SIPA1L1: variants seen among roughly 807,000 people sequenced by gnomAD.
SIPA1L1 encodes the protein signal-induced proliferation-associated 1-like protein 1.
A neutral mutation model predicts 162.7 loss-of-function variants in SIPA1L1; 26 were observed. The ratio of observed to expected loss-of-function variants is 0.16; its 90% CI spans 0.12 to 0.22. SIPA1L1 has a LOEUF of 0.22. Among genes scored for constraint, SIPA1L1 ranks in the 10% least tolerant of loss-of-function variants. The pLI is 1.00. For missense variants in SIPA1L1, 1,874 were observed against 2,241.0 expected, an observed-to-expected ratio of 0.84 and a Z score of 3.31; for synonymous variants, 829 against 837.4, an observed-to-expected ratio of 0.99 and a Z score of 0.17.
At chr14:71,603,374 T>C (rs1465358083) in intron 5 of SIPA1L1, among the ~76,000 whole-genome samples, 3 of 152,200 alleles carry the variant, frequency 2.0e-5, no homozygotes, top group Non-Finnish European at 2.9e-5. Context: ...GGGACATATT[T>C]CTGTCACTTT....
chr14:71,500,108 G>A (rs1028817886), intron 2 of SIPA1L1, among the ~76,000 whole-genome samples: 4 of 152,072 alleles, frequency 2.6e-5, no homozygotes, highest in Non-Finnish European at 5.9e-5. Flanking sequence ...GTGTCATTGA[G>A]ATTAACTAGA....
At chr14:71,417,498 A>AAAAAAAAAAAAAAAT (rs1157625899) in intron 2 of SIPA1L1, among the ~76,000 whole-genome samples, 1 of 146,492 alleles carries the variant, frequency 6.8e-6, no homozygotes, top group Non-Finnish European at 1.5e-5. Context: ...AAAAAAAAAA[A>AAAAAAAAAAAAAAAT]AAAAAGAAAA....
Position 71,672,573 on chromosome 14 carries a change from A to G in SIPA1L1, c.3055A>G (p.Thr1019Ala). 1.9e-6 allele frequency: 3 copies of G among 1,614,226 alleles called. No homozygotes were observed. The highest frequency in any genetic ancestry group is 2.5e-6 in the Non-Finnish European group (3 of 1,180,040). ...QMIDLLRTSV[T>A]VKVVIIPPHD... is the part of the protein sequence containing the mutation. ...GATCGACCTCCTGAGAACATCTGTC[A>G]CGGTGAAGGTTGTCATCATTCCCCC... is the stretch of plus-strand genomic sequence containing the variant. Residue 1019 changes from threonine (T) to alanine (A), a missense_variant, in exon 12 of 24, where the codon ACG (threonine) becomes GCG (alanine). This residue lies in a region of SIPA1L1 where 936 missense variants were observed against 1,051.9 expected (regional missense o/e 0.89). Transcript: ENST00000381232.
At chr14:71,522,829 G>T (rs1376863050) in intron 3 of SIPA1L1, among the ~76,000 whole-genome samples, 1 of 152,016 alleles carries the variant, frequency 6.6e-6, no homozygotes, top group Non-Finnish European at 1.5e-5. Context: ...GAGTAGTTGG[G>T]ATTACAGGCT....
intron 4 of SIPA1L1, among the ~76,000 whole-genome samples, chr14:71,540,934 C>T (rs1461834129): frequency 6.6e-6 from 1 of 152,104 alleles, no homozygotes; most frequent in Non-Finnish European, 1.5e-5. Flanking sequence ...TGAGACCAGC[C>T]TGGCCAACAT....
At chr14:71,476,058 G>A (rs950978398) in intron 2 of SIPA1L1, among the ~76,000 whole-genome samples, 8 of 152,172 alleles carry the variant, frequency 5.3e-5, no homozygotes, top group East Asian at 1.9e-4. Context: ...TAGAGGCACC[G>A]CAGTTGTGGT....
rs543194522 is a variant in SIPA1L1 at position 71,590,511 on chromosome 14, C to T, written c.1498+1141C>T. 2.6e-5 allele frequency among the ~76,000 whole-genome samples: 4 copies of T among 152,170 alleles called. No homozygotes were observed. In the South Asian group the frequency reaches 6.2e-4, roughly 24 times the overall value. On this transcript the variant is annotated intron_variant, in intron 5 of 23. Coordinates refer to ENST00000381232, the MANE Select transcript of SIPA1L1 (RefSeq NM_001386936.1). ...AAATATAGTACTCATAGCTTTATAACAATTGCTTTAGAATAAAGCATATCT... is the reference window on the plus strand; with the variant it reads ...AAATATAGTACTCATAGCTTTATAATAATTGCTTTAGAATAAAGCATATCT...
intron 2 of SIPA1L1, among the ~76,000 whole-genome samples, chr14:71,374,694 GTT>G (rs35302982): frequency 3.6e-5 from 5 of 139,204 alleles, no homozygotes; most frequent in Non-Finnish European, 6.2e-5. Flanking sequence ...CGTTTTGAAA[GTT>G]TTTTTTTTTT....
chr14:71,612,254 G>A lies in SIPA1L1; in HGVS notation c.1499-6503G>A, dbSNP rs186944492. 4.0e-3 allele frequency among the ~76,000 whole-genome samples: 603 copies of A among 152,222 alleles called. 10 individuals carry two copies. Among genetic ancestry groups the A allele is most frequent in the Non-Finnish European group, 4.6e-3 (311 of 67,994 alleles). ...TTTTGTGACTTTAACATATCTTGCCGTGTTGCTTTCAAAAGCAGTTGATAC... is the reference window on the plus strand; with the variant it reads ...TTTTGTGACTTTAACATATCTTGCCATGTTGCTTTCAAAAGCAGTTGATAC... On this transcript the variant is annotated intron_variant, in intron 5 of 23. Coordinates refer to ENST00000381232, the MANE Select transcript of SIPA1L1 (RefSeq NM_001386936.1).
intron 2 of SIPA1L1, among the ~76,000 whole-genome samples, chr14:71,378,521 G>A (rs1006789664): frequency 3.3e-5 from 5 of 152,126 alleles, no homozygotes; most frequent in African/African-American, 7.2e-5. Context: ...GAGAATATTT[G>A]TGGAATTTCA....
intron 4 of SIPA1L1, among the ~76,000 whole-genome samples, chr14:71,544,066 CACACGCACGCACATGTATGTATAT>C (rs2054831788): frequency 6.6e-6 from 1 of 150,438 alleles, no homozygotes; most frequent in Admixed American, 6.6e-5. Flanking sequence ...TATGTATATA[CACACGCACGCACATGTATGTATAT>C]ACACACGCAC....
intron 2 of SIPA1L1, among the ~76,000 whole-genome samples, chr14:71,337,387 C>G (rs756307579): frequency 2.0e-5 from 3 of 152,150 alleles, no homozygotes; most frequent in Non-Finnish European, 4.4e-5. Context: ...TAAAGACATA[C>G]TTGAGACTGG....
chr14:71,661,403 C>G lies in SIPA1L1; in HGVS notation c.2191C>G (p.His731Asp). The change falls in exon 10 of 24, where the codon CAC becomes GAC. Residue 731 changes from histidine (H) to aspartate (D), a missense_variant. His to Asp is a moderately conservative substitution (Grantham distance 81). Around this residue, in one of 5 missense-constraint regions of SIPA1L1, gnomAD observed 243 missense variants for 315.0 expected, o/e 0.77. Coordinates refer to ENST00000381232, the MANE Select transcript of SIPA1L1 (RefSeq NM_001386936.1). ...ATTCAGCCCAAAAAACATCCGATCC[C>G]ACTTCCAGCACGTTTTCGTCATCGT... is the stretch of plus-strand genomic sequence containing the variant. ...QPFSPKNIRS[H>D]FQHVFVIVRV... The G allele has an allele frequency of 6.2e-7, 1 of 1,614,006 alleles. No individual in the cohort carries two copies. The highest frequency in any genetic ancestry group is 8.5e-7 in the Non-Finnish European group (1 of 1,179,936).
chr14:71,688,049 A>G (rs1271823955), intron 13 of SIPA1L1, among the ~76,000 whole-genome samples: 1 of 152,202 alleles, frequency 6.6e-6, no homozygotes, highest in East Asian at 1.9e-4. Context: ...TTTGAAATAT[A>G]TGGTAATTAA....
chr14:71,614,375 A>G (rs1246611351), intron 5 of SIPA1L1, among the ~76,000 whole-genome samples: 1 of 152,168 alleles, frequency 6.6e-6, no homozygotes, highest in Non-Finnish European at 1.5e-5. Context: ...TACTTCTGTA[A>G]TCCTTAAGAG....
intron 2 of SIPA1L1, among the ~76,000 whole-genome samples, chr14:71,373,744 G>A (rs1419033488): frequency 1.3e-5 from 2 of 151,420 alleles, no homozygotes; most frequent in African/African-American, 4.9e-5. Context: ...CTTCCTTCCT[G>A]ATACCTTTGT....
chr14:71,548,313 C>T (rs542950373), intron 4 of SIPA1L1, among the ~76,000 whole-genome samples: 8 of 152,208 alleles, frequency 5.3e-5, no homozygotes, highest in Admixed American at 2.6e-4. Context: ...AGTCTGCTGT[C>T]AGCGTTTTAT....
intron 2 of SIPA1L1, among the ~76,000 whole-genome samples, chr14:71,441,166 G>A (rs1022781261): frequency 6.6e-6 from 1 of 152,198 alleles, no homozygotes; most frequent in African/African-American, 2.4e-5. Context: ...GAAACATGGT[G>A]TTGTCTGTTT....
intron 5 of SIPA1L1, among the ~76,000 whole-genome samples, chr14:71,615,746 C>T (rs1054651798): frequency 3.9e-5 from 6 of 152,182 alleles, no homozygotes; most frequent in Admixed American, 1.3e-4. Context: ...GTGGCTCAGG[C>T]CTGTAATCCC....
Sources: allele counts gnomAD v4.1 joint callset (sites outside exome capture counted in the v4.1 genomes callset), GRCh38; gene constraint gnomAD v4.1.1; regional missense constraint gnomAD v4.1.1; transcripts MANE v1.5; gene names NCBI Gene and HGNC (gene_info 2026-07-23, HGNC 2026-07-21).